SOX30: variants seen among roughly 807,000 people sequenced by gnomAD.
SOX30 encodes the protein transcription factor SOX-30.
In SOX30, 17 loss-of-function variants were observed where a neutral mutation model predicts 58.6. The ratio of observed to expected loss-of-function variants is 0.29; its 90% confidence interval spans 0.20 to 0.44. The LOEUF is 0.44. Ranked by LOEUF, SOX30 falls within the 20% of genes least tolerant of loss-of-function variation. The pLI is 1.00. For synonymous variants in SOX30, 421 were observed against 400.2 expected (o/e 1.05, Z -0.62); for missense variants, 951 against 965.8 (o/e 0.98, Z 0.20).
intron 1 of SOX30, among the ~76,000 whole-genome samples, chr5:157,668,850 G>C (rs1469967300): frequency 1.3e-5 from 2 of 152,174 alleles, no homozygotes; most frequent in East Asian, 3.9e-4. Flanking sequence ...GACTGAGCCT[G>C]GGAGTAGGAA....
At chr5:157,671,458 G>C in exon 1 of SOX30, 1 of 627,524 alleles carries the variant, frequency 1.6e-6, no homozygotes, top group Non-Finnish European at 2.8e-6. Flanking sequence ...AACAGCCCCC[G>C]TCCCCTTCCC....
chr5:157,645,490 C>T (rs1399070111), intron 3 of SOX30, among the ~76,000 whole-genome samples: 1 of 151,804 alleles, frequency 6.6e-6, no homozygotes, highest in Admixed American at 6.6e-5. Context: ...TGGCAAAACC[C>T]CATCTCTAAA....
chr5:157,652,275 C>G lies in SOX30; in HGVS notation c.-197G>C. On this transcript the variant is annotated 5_prime_UTR_variant, in exon 1 of 5. Coordinates refer to ENST00000265007, the MANE Select transcript of SOX30 (RefSeq NM_178424.2). ...GGACGGCCAATCACAGGCGGGTTTT[C>G]CGGCTCTTCCTGGTCCCTACTCTCG... 1 of 1,251,444 alleles carries G rather than the reference C, an allele frequency of 8.0e-7. No homozygotes were observed. The highest frequency in any genetic ancestry group is 1.0e-6 in the Non-Finnish European group (1 of 1,001,098). 77.5% of individuals were successfully genotyped at this position (1,251,444 alleles called of 1,614,324 possible). A position where few individuals can be genotyped will look rare whatever the true frequency, so the allele number is the denominator to read the frequency against.
At chr5:157,630,054 G>A (rs937956985) in intron 4 of SOX30, among the ~76,000 whole-genome samples, 1 of 152,144 alleles carries the variant, frequency 6.6e-6, no homozygotes, top group Non-Finnish European at 1.5e-5. Context: ...TATAAGTGAT[G>A]GAAACTAGAA....
intron 3 of SOX30, among the ~76,000 whole-genome samples, chr5:157,641,572 C>T (rs1468710180): frequency 6.6e-6 from 1 of 152,102 alleles, no homozygotes; most frequent in Non-Finnish European, 1.5e-5. Context: ...GAGATCATGC[C>T]ACTGCACTCC....
chr5:157,634,304 C>A (rs1472248722), intron 4 of SOX30, among the ~76,000 whole-genome samples: 1 of 152,140 alleles, frequency 6.6e-6, no homozygotes, highest in Non-Finnish European at 1.5e-5. Context: ...GCCTTCACCT[C>A]CCAGGCTCAA....
chr5:157,651,632 T>A lies in SOX30; in HGVS notation c.447A>T (p.Ser149=). ...TTTCGACGGCCCCTCGAGGCCCCAC[T>A]GACTGATCCAGGCTGGGCCCCAGCT... ...KQKLGPSLDQ[S]VGPRGAVETG... Residue 149 remains serine (S), a synonymous_variant, in exon 1 of 5, where the codon TCA becomes TCT. Coordinates refer to ENST00000265007, the MANE Select transcript of SOX30 (RefSeq NM_178424.2). 2 of 1,612,664 alleles carry A rather than the reference T, an allele frequency of 1.2e-6. No homozygotes were observed. The highest frequency in any genetic ancestry group is 1.7e-6 in the Non-Finnish European group (2 of 1,179,820).
intron 3 of SOX30, among the ~76,000 whole-genome samples, chr5:157,639,201 G>A (rs757088360): frequency 1.6e-4 from 24 of 152,160 alleles, no homozygotes; most frequent in Non-Finnish European, 3.2e-4. Flanking sequence ...TGATCTAAGA[G>A]AGGGGACAGG....
At chr5:157,662,818 A>C (rs1357359077) in intron 2 of SOX30, among the ~76,000 whole-genome samples, 1 of 152,146 alleles carries the variant, frequency 6.6e-6, no homozygotes, top group Non-Finnish European at 1.5e-5. Flanking sequence ...GCATGATAAA[A>C]CCTAGGTCTT....
In SOX30 at chr5:157,651,941, T is replaced by C; in HGVS notation, c.138A>G (p.Ala46=). 1 of 1,493,514 alleles carries C rather than the reference T, an allele frequency of 6.7e-7. No individual in the cohort carries two copies. Among genetic ancestry groups the C allele is most frequent in the Non-Finnish European group, 8.9e-7 (1 of 1,126,234 alleles). 92.5% of individuals were successfully genotyped at this position (1,493,514 alleles called of 1,614,324 possible). Residue 46 remains alanine (A), a synonymous_variant, in exon 1 of 5, where the codon GCA becomes GCG. Transcript: ENST00000265007. ...PPPSSPTLSA[A]ASATLASSCG... ...ACGACGAGGCCAAGGTCGCACTGGC[T>C]GCCGCGCTCAGTGTGGGAGACGACG...
At chr5:157,648,928 T>C in intron 1 of SOX30, 32 bp from the exon 2 acceptor site, 1 of 1,527,218 alleles carries the variant, frequency 6.5e-7, no homozygotes, top group Non-Finnish European at 8.7e-7. Flanking sequence ...GCTAAATTAA[T>C]GTGCCATACA....
intron 2 of SOX30, among the ~76,000 whole-genome samples, chr5:157,648,311 CATTTT>C (rs1759246510): frequency 6.6e-6 from 1 of 152,148 alleles, no homozygotes; most frequent in Non-Finnish European, 1.5e-5. Flanking sequence ...CTGTTGCTAT[CATTTT>C]AACACTTCTA....
chr5:157,627,364 A>C (rs1758682854), intron 4 of SOX30, among the ~76,000 whole-genome samples: 1 of 152,144 alleles, frequency 6.6e-6, no homozygotes, highest in Admixed American at 6.5e-5. Flanking sequence ...TCCGCCTCCA[A>C]AAAAACAAAA....
In SOX30 at chr5:157,651,644, G is replaced by T. The variant is rs777838721; in HGVS notation, c.435C>A (p.Ser145Arg). Reference sequence around the variant, plus strand: ...CTCGAGGCCCCACTGACTGATCCAGGCTGGGCCCCAGCTTCTGCTTCTTGG... The same window carrying T: ...CTCGAGGCCCCACTGACTGATCCAGTCTGGGCCCCAGCTTCTGCTTCTTGG... ...VKAKKQKLGP[S>R]LDQSVGPRGA... The change falls in exon 1 of 5, where the codon AGC becomes AGA. Residue 145 changes from serine to arginine, a missense_variant. This residue lies in a region of SOX30 where 363 missense variants were observed against 294.5 expected (regional missense o/e 1.23). Transcript: ENST00000265007. 1 of 1,612,252 alleles carries T rather than the reference G, an allele frequency of 6.2e-7. No homozygotes were observed. The highest frequency in any genetic ancestry group is 8.5e-7 in the Non-Finnish European group (1 of 1,179,730).
rs1759254013 is a variant in SOX30 at position 157,648,639 on chromosome 5, A to T, written c.1207+18T>A. 1.9e-6 allele frequency: 3 copies of T among 1,606,036 alleles called. No homozygotes were observed. Among genetic ancestry groups the T allele is most frequent in the African/African-American group, 1.3e-5 (1 of 74,536 alleles). The stretch of plus-strand genomic sequence containing the variant: ...AATTCATTTAAAAGAAGTAAGAGGC[A>T]TTATTTAATTTGATTACCAGGAAAT... On this transcript the variant is annotated intron_variant, in intron 2 of 4. Coordinates refer to ENST00000265007, the MANE Select transcript of SOX30 (RefSeq NM_178424.2).
intron 2 of SOX30, among the ~76,000 whole-genome samples, chr5:157,662,755 C>G (rs1759600817): frequency 6.6e-6 from 1 of 152,210 alleles, no homozygotes; most frequent in African/African-American, 2.4e-5. Flanking sequence ...AACCTTATAT[C>G]TGATAAGAAA....
chr5:157,656,790 TTAGA>T (rs1325247128), upstream of SOX30, among the ~76,000 whole-genome samples: 6 of 150,996 alleles, frequency 4.0e-5, no homozygotes, highest in Non-Finnish European at 8.9e-5. Flanking sequence ...TTGTTTTAAG[TTAGA>T]TAGAATGAAG....
At chr5:157,667,789 CAT>C (rs147072814) in intron 2 of SOX30, 32 of 1,517,610 alleles carry the variant, frequency 2.1e-5, no homozygotes, top group South Asian at 7.2e-5. Flanking sequence ...CACACACACA[CAT>C]ACAAACCTTG....
intron 2 of SOX30, among the ~76,000 whole-genome samples, chr5:157,660,958 A>G (rs916677580): frequency 6.6e-6 from 1 of 152,182 alleles, no homozygotes; most frequent in Non-Finnish European, 1.5e-5. Context: ...ATCTCCATTT[A>G]TTTAGGTCTT....
Sources: gnomAD v4.1 joint callset for allele counts (sites outside exome capture counted in the v4.1 genomes callset) on GRCh38, gnomAD v4.1.1 for gene constraint, gnomAD v4.1.1 regional missense constraint, MANE v1.5 for transcripts, NCBI Gene and HGNC (gene_info 2026-07-23, HGNC 2026-07-21) for gene names.